The following ZNF354C variants were observed in gnomAD, a reference collection of about 807,000 sequenced individuals.
ZNF354C encodes the protein KRAB-zinc finger protein synten.
Under a neutral mutation model 12.4 loss-of-function variants are expected in ZNF354C, and 7 were observed. The observed-to-expected ratio is 0.56, with a 90% CI of 0.32 to 1.06. The LOEUF is 1.06. ZNF354C is among the 50% of genes least tolerant of loss of function. ZNF354C has a pLI of 0.04. For missense variants in ZNF354C, 609 were observed against 658.0 expected, an observed-to-expected ratio of 0.93 and a Z score of 0.81; for synonymous variants, 202 against 224.5, an observed-to-expected ratio of 0.90 and a Z score of 0.90.
At chr5:179,073,514 T>C (rs1465524987) in intron 2 of ZNF354C, among the ~76,000 whole-genome samples, 2 of 152,128 alleles carry the variant, frequency 1.3e-5, no homozygotes, top group South Asian at 2.1e-4. Context: ...ACCATGAAGA[T>C]AGAATTTATT....
At position 179,078,769 on chromosome 5, in the gene ZNF354C, G is replaced by T; in HGVS notation, c.337G>T (p.Glu113Ter). 6.2e-7 allele frequency: 1 copy of T among 1,613,958 alleles called. No homozygotes were observed. The highest frequency in any genetic ancestry group is 8.5e-7 in the Non-Finnish European group (1 of 1,179,954). The change falls in exon 5 of 5, where the codon GAA becomes TAA. Residue 113 changes from glutamate to a stop codon, truncating the protein, a stop_gained. Coordinates refer to ENST00000315475, the MANE Select transcript of ZNF354C (RefSeq NM_014594.3). LOFTEE classifies it low-confidence loss of function (END_TRUNC). ...EETSQGMVKK[E>*]SIKDGHWDIN... ...AACATCTCAGGGAATGGTAAAGAAA[G>T]AATCCATTAAGGATGGTCACTGGGA...
At position 179,079,774 on chromosome 5, in the gene ZNF354C, G is replaced by C. The variant is rs1762196700; in HGVS notation, c.1342G>C (p.Ala448Pro). The change falls in exon 5 of 5, where the codon GCC becomes CCC. Residue 448 changes from alanine to proline, a missense_variant. By Grantham distance (27) the Ala-to-Pro change is conservative. Transcript: ENST00000315475. This position sits in a 1 kb window ranked among gnomAD's most constrained non-coding sequence, Gnocchi z 4.2. ...KLYTCEECGK[A>P]FGCKSNLYRH... ...TTATACATGTGAGGAATGTGGGAAAGCCTTTGGTTGCAAATCTAACCTTTA... is the reference window on the plus strand; with the variant it reads ...TTATACATGTGAGGAATGTGGGAAACCCTTTGGTTGCAAATCTAACCTTTA... 5 of 1,613,982 alleles carry C rather than the reference G, an allele frequency of 3.1e-6. No individual in the cohort carries two copies. In the African/African-American group the frequency reaches 4.0e-5, roughly 13 times the overall value.
At position 179,078,081 on chromosome 5, in the gene ZNF354C, G is replaced by A. The variant is rs200599606; in HGVS notation, c.251-602G>A. 2.0e-5 allele frequency among the ~76,000 whole-genome samples: 3 copies of A among 152,116 alleles called. No individual in the cohort carries two copies. The East Asian group carries it at 5.8e-4, about 29-fold the overall frequency. On this transcript the variant is annotated intron_variant, in intron 4 of 4. Transcript: ENST00000315475. ...CTCCCAAAGTGCTGGGATTACAGGT[G>A]TGAGCCACCGCGCCCGGCCTGTCTT...
Position 179,079,326 on chromosome 5 carries a change from A to G in ZNF354C, c.894A>G (p.Lys298=), listed in dbSNP as rs1463976487. The G allele has an allele frequency of 1.2e-6, 2 of 1,614,170 alleles. No homozygotes were observed. Among genetic ancestry groups the G allele is most frequent in the South Asian group, 2.2e-5 (2 of 91,074 alleles). The change falls in exon 5 of 5, where the codon AAA becomes AAG. Residue 298 remains lysine, a synonymous_variant. Coordinates refer to ENST00000315475, the MANE Select transcript of ZNF354C (RefSeq NM_014594.3). This position sits in a 1 kb window ranked among gnomAD's most constrained non-coding sequence, Gnocchi z 4.2. ...ATCTGAGAGTGCATACTGGAGAGAA[A>G]CCGTATCGATGTAGGGAATGTGGTA... The part of the protein sequence containing the change: ...IKHLRVHTGE[K]PYRCRECGKA...
intron 4 of ZNF354C, among the ~76,000 whole-genome samples, chr5:179,078,033 C>T (rs1343765762): frequency 1.3e-5 from 2 of 152,204 alleles, no homozygotes; most frequent in East Asian, 3.9e-4. Flanking sequence ...TCTCAAACTC[C>T]TGAGCTCAGG....
rs1028248058 is a variant in ZNF354C, at chr5:179,080,325, T to C, written c.*228T>C. 1.0e-5 allele frequency: 3 copies of C among 291,266 alleles called. No individual in the cohort carries two copies. Among genetic ancestry groups the C allele is most frequent in the Non-Finnish European group, 1.9e-5 (3 of 159,586 alleles). 18.0% of individuals were successfully genotyped at this position (291,266 alleles called of 1,614,324 possible). ...TAAAAACCTATGAGTATTTAATTCATAGAAAAAATGTAAAAGGTCTTTTTA... is the reference window on the plus strand; with the variant it reads ...TAAAAACCTATGAGTATTTAATTCACAGAAAAAATGTAAAAGGTCTTTTTA... On this transcript the variant is annotated 3_prime_UTR_variant, in exon 5 of 5. Coordinates refer to ENST00000315475, the MANE Select transcript of ZNF354C (RefSeq NM_014594.3).
rs372958601 is a variant in ZNF354C at position 179,076,429 on chromosome 5, G to A, written c.28-16G>A. 6 of 1,614,042 alleles carry A rather than the reference G, an allele frequency of 3.7e-6. No homozygotes were observed. The highest frequency in any genetic ancestry group is 5.1e-6 in the Non-Finnish European group (6 of 1,180,014). On this transcript the variant is annotated splice_polypyrimidine_tract_variant and intron_variant, in intron 2 of 4. Transcript: ENST00000315475. ...AAGATGGTCCTGGGTGAGCAGGTAT[G>A]GGTTTGCCATTACAGGAGCCTGTGA...
chr5:179,062,230 TC>T, intron 2 of ZNF354C, 135 bp downstream of exon 2: 1 of 1,141,990 alleles, frequency 8.8e-7, no homozygotes, highest in Non-Finnish European at 1.3e-6. Flanking sequence ...CAAAAGTTTT[TC>T]CCAGTGTCTT....
chr5:179,083,488 CTA>C lies in ZNF354C; in HGVS notation c.*3393_*3394del, dbSNP rs1201764217. The C allele has an allele frequency of 1.3e-5, 2 of 151,716 alleles. No homozygotes were observed. Among genetic ancestry groups the C allele is most frequent in the African/African-American group, 4.9e-5 (2 of 41,150 alleles). 9.4% of individuals were successfully genotyped at this position (151,716 alleles called of 1,614,324 possible). ...TTCATTGGTCATTTAAAACATTTTT[CTA>C]TGTGTGTCAATTTTTAATAAAAATG... On this transcript the variant is annotated 3_prime_UTR_variant, in exon 5 of 5. Transcript: ENST00000315475.
chr5:179,069,757 T>A (rs1408269081), intron 2 of ZNF354C, among the ~76,000 whole-genome samples: 2 of 151,218 alleles, frequency 1.3e-5, no homozygotes, highest in African/African-American at 2.4e-5. Flanking sequence ...TCCCAGCTAC[T>A]CGGGAGGCTG....
chr5:179,061,024 C>T (rs991387485), intron 1 of ZNF354C, among the ~76,000 whole-genome samples: 2 of 152,340 alleles, frequency 1.3e-5, no homozygotes, highest in East Asian at 1.9e-4. Context: ...TTTCAGTCTC[C>T]GTAACATCTG....
At position 179,060,793 on chromosome 5, in the gene ZNF354C, C is replaced by T. The variant is rs1761878198; in HGVS notation, c.-55+127C>T. 6.6e-6 allele frequency: 1 copy of T among 152,278 alleles called. No individual in the cohort carries two copies. Among genetic ancestry groups the T allele is most frequent in the South Asian group, 2.1e-4 (1 of 4,834 alleles). 9.4% of individuals were successfully genotyped at this position (152,278 alleles called of 1,614,324 possible). On this transcript the variant is annotated intron_variant, in intron 1 of 4. Transcript: ENST00000315475. The surrounding 1 kb of genome is among the most constrained non-coding windows in gnomAD (Gnocchi z 4.2). ...AATAAAAGCAATAGCTGATGCCCGC[C>T]GAGAGCGCTCGGGTGCCAGGCACCA...
At position 179,073,468 on chromosome 5, in the gene ZNF354C, G is replaced by A. The variant is rs71611478; in HGVS notation, c.28-2977G>A. On this transcript the variant is annotated intron_variant, in intron 2 of 4. Transcript: ENST00000315475. ...AATAATACTATTGTATTATAGGAGG[G>A]GGTTTACAATGTAGGCAGCTATAAT... 6.1e-3 allele frequency among the ~76,000 whole-genome samples: 926 copies of A among 152,110 alleles called. 5 individuals are homozygous for A. The highest frequency in any genetic ancestry group is 0.01 in the Non-Finnish European group (701 of 67,990).
rs1762226125 is a variant in ZNF354C, at chr5:179,081,516, CCTT to C, written c.*1422_*1424del. 6.6e-6 allele frequency: 1 copy of C among 151,708 alleles called. No homozygotes were observed. Among genetic ancestry groups the C allele is most frequent in the African/African-American group, 2.4e-5 (1 of 41,326 alleles). 9.4% of individuals were successfully genotyped at this position (151,708 alleles called of 1,614,324 possible). A position where few individuals can be genotyped will look rare whatever the true frequency, so the allele number is the denominator to read the frequency against. ...AAAAATTCTAATACAATTAGCTAGA[CCTT>C]CTGAGAAAAATGTTAGAATTAAACT... On this transcript the variant is annotated 3_prime_UTR_variant, in exon 5 of 5. Transcript: ENST00000315475.
At chr5:179,077,260 G>A (rs1762137432) in intron 4 of ZNF354C, 94 bp downstream of exon 4, 2 of 967,234 alleles carry the variant, frequency 2.1e-6, no homozygotes, top group Non-Finnish European at 3.3e-6. Flanking sequence ...GAAATACTGA[G>A]TCCTCTTGAG....
At position 179,079,645 on chromosome 5, in the gene ZNF354C, A is replaced by T. The variant is rs767867559; in HGVS notation, c.1213A>T (p.Ile405Phe). ...RIVTLIEHQR[I>F]HTGQKPYQCN... ...TGTAACCCTTATCGAACATCAGCGAATTCACACTGGACAAAAACCTTATCA... is the reference window on the plus strand; with the variant it reads ...TGTAACCCTTATCGAACATCAGCGATTTCACACTGGACAAAAACCTTATCA... The change falls in exon 5 of 5, where the codon ATT becomes TTT. Residue 405 changes from isoleucine to phenylalanine, a missense_variant. By Grantham distance (21) the Ile-to-Phe change is conservative (BLOSUM62 0). Transcript: ENST00000315475. The surrounding 1 kb of genome is among the most constrained non-coding windows in gnomAD (Gnocchi z 4.2). 10 of 1,614,094 alleles carry T rather than the reference A, an allele frequency of 6.2e-6. No individual in the cohort carries two copies. Among genetic ancestry groups the T allele is most frequent in the African/African-American group, 1.3e-5 (1 of 74,944 alleles).
At chr5:179,067,621 C>T (rs746156550) in intron 2 of ZNF354C, among the ~76,000 whole-genome samples, 1 of 152,094 alleles carries the variant, frequency 6.6e-6, no homozygotes, top group Non-Finnish European at 1.5e-5. Context: ...CCAAGGCAGG[C>T]GGATCACCCT....
intron 2 of ZNF354C, among the ~76,000 whole-genome samples, chr5:179,074,883 G>A (rs1315762149): frequency 6.6e-6 from 1 of 152,164 alleles, no homozygotes; most frequent in African/African-American, 2.4e-5. Flanking sequence ...CTAAATAGGT[G>A]ATGAGTAACC....
intron 2 of ZNF354C, among the ~76,000 whole-genome samples, chr5:179,073,432 G>T (rs1762074861): frequency 6.6e-6 from 1 of 152,108 alleles, no homozygotes; most frequent in African/African-American, 2.4e-5. Flanking sequence ...GCAGCTGATT[G>T]CTTAAAGCAA....
Sources: allele counts gnomAD v4.1 joint callset (sites outside exome capture counted in the v4.1 genomes callset), GRCh38; gene constraint gnomAD v4.1.1; non-coding constraint Gnocchi (gnomAD v3.1); transcripts MANE v1.5; gene names NCBI Gene and HGNC (gene_info 2026-07-23, HGNC 2026-07-21).